The following CCT6B variants were observed in gnomAD, a reference collection of about 807,000 sequenced individuals.
CCT6B encodes chaperonin containing TCP1 subunit 6B.
In CCT6B, 49 loss-of-function variants were observed where a neutral mutation model predicts 61.5. The observed-to-expected ratio is 0.80, with a 90% CI of 0.63 to 1.01. The LOEUF (loss-of-function observed/expected upper bound fraction) is 1.01, where lower values mean the gene tolerates loss of function less well. CCT6B is among the 50% of genes least tolerant of loss of function. The pLI is 0.00. For missense variants in CCT6B, 666 were observed against 634.7 expected (o/e 1.05, Z -0.53); for synonymous variants, 228 against 214.5 (o/e 1.06, Z -0.55).
rs1424336202 is a variant in CCT6B, at chr17:34,928,932, G to GTC, written c.1523+28_1523+29dup. ...AATATTATCAATTATAACTCTACAGGTCTTTCACTTTATGTTCATATGAAC... is the reference window on the plus strand; with the variant it reads ...AATATTATCAATTATAACTCTACAGGTCTCTTTCACTTTATGTTCATATGAAC... On this transcript the variant is annotated intron_variant, in intron 13 of 13. Coordinates refer to ENST00000314144, the MANE Select transcript of CCT6B (RefSeq NM_006584.4). The GTC allele has an allele frequency of 4.2e-6, 5 of 1,194,210 alleles. No individual in the cohort carries two copies. The Admixed American group carries it at 8.9e-5, about 21-fold the overall frequency. 74.0% of individuals were successfully genotyped at this position (1,194,210 alleles called of 1,614,324 possible).
intron 4 of CCT6B, among the ~76,000 whole-genome samples, chr17:34,953,869 G>A (rs1468624959): frequency 2.0e-5 from 3 of 152,052 alleles, no homozygotes; most frequent in Admixed American, 6.5e-5. Context: ...TAGGAGAATC[G>A]TTTGAACCTG....
intron 6 of CCT6B, 25 bp downstream of exon 6, chr17:34,942,771 G>A (rs1342991405): frequency 1.0e-5 from 16 of 1,547,086 alleles, no homozygotes; most frequent in Non-Finnish European, 1.3e-5. Context: ...AAATTCAAAA[G>A]TTATAAAGAG....
Position 34,951,887 on chromosome 17 carries a change from T to C in CCT6B, c.614+63A>G, listed in dbSNP as rs118061049. On this transcript the variant is annotated intron_variant, in intron 5 of 13. Coordinates refer to ENST00000314144, the MANE Select transcript of CCT6B (RefSeq NM_006584.4). ...GTTGAATAAAAGTAAGTAATGAATT[T>C]AATAAAAGAATATCTTTAAAAAATT... The C allele has an allele frequency of 9.4e-4, 680 of 722,560 alleles. 1 individual carries two copies. The highest frequency in any genetic ancestry group is 1.4e-3 in the Non-Finnish European group (611 of 443,108). The allele number at this position is 722,560 out of a possible 1,614,324, so 44.8% of individuals were successfully genotyped here.
Position 34,930,956 on chromosome 17 carries a change from C to G in CCT6B, c.1443G>C (p.Leu481Phe), listed in dbSNP as rs368161731. Residue 481 changes from leucine (L) to phenylalanine (F), a missense_variant, in exon 12 of 14, where the codon TTG becomes TTC. Transcript: ENST00000314144. ...TTTCCTTCACTTTCTTACCTGTATT[C>G]AAATCTACGCCCACAAGTTGTTTTG... ...VESKQLVGVDLNTGEPMVAAD... is the reference protein window; with the variant it reads ...VESKQLVGVDFNTGEPMVAAD... 1.3e-6 allele frequency: 2 copies of G among 1,581,314 alleles called. No individual in the cohort carries two copies. The highest frequency in any genetic ancestry group is 1.7e-6 in the Non-Finnish European group (2 of 1,152,698).
intron 10 of CCT6B, among the ~76,000 whole-genome samples, chr17:34,938,005 T>C (rs1044506648): frequency 5.3e-5 from 8 of 151,924 alleles, no homozygotes; most frequent in Non-Finnish European, 5.9e-5. Flanking sequence ...TATTCCTGCC[T>C]CAGCCTCCTA....
At chr17:34,958,970 A>G (rs2090379582) in intron 2 of CCT6B, among the ~76,000 whole-genome samples, 1 of 152,168 alleles carries the variant, frequency 6.6e-6, no homozygotes, top group Non-Finnish European at 1.5e-5. Context: ...AAATGAATAC[A>G]TGTATTAAAC....
intron 10 of CCT6B, among the ~76,000 whole-genome samples, chr17:34,933,959 T>C (rs1012998014): frequency 1.3e-5 from 2 of 151,638 alleles, no homozygotes; most frequent in East Asian, 3.9e-4. Context: ...TGAGACCCCA[T>C]CTCTACAAAA....
rs773615733 is a variant in CCT6B, at chr17:34,928,975, G to T, written c.1510C>A (p.Leu504Ile). Residue 504 changes from leucine (L) to isoleucine (I), a missense_variant, in exon 13 of 14, where the codon CTT (leucine) becomes ATT (isoleucine). Transcript: ENST00000314144. ...ATATGAACTTACCAAGAGTGAAGAA[G>T]TTGTTTTTTTACACAATAATTATCC... ...VWDNYCVKKQLLHSCTVIATN... is the reference protein window; with the variant it reads ...VWDNYCVKKQILHSCTVIATN... 1.3e-6 allele frequency: 2 copies of T among 1,595,168 alleles called. No homozygotes were observed. Among genetic ancestry groups the T allele is most frequent in the East Asian group, 4.5e-5 (2 of 44,688 alleles).
intron 10 of CCT6B, among the ~76,000 whole-genome samples, chr17:34,937,880 T>C (rs954075849): frequency 7.2e-5 from 11 of 151,782 alleles, no homozygotes; most frequent in African/African-American, 2.4e-4. Context: ...TTTTTTCTTT[T>C]CTTTTCTTCT....
chr17:34,935,056 A>G (rs2090078670), intron 10 of CCT6B, among the ~76,000 whole-genome samples: 1 of 152,234 alleles, frequency 6.6e-6, no homozygotes, highest in African/African-American at 2.4e-5. Context: ...TACATACAAT[A>G]GAATATTATT....
At chr17:34,931,501 C>T (rs1008119085) in intron 11 of CCT6B, among the ~76,000 whole-genome samples, 3 of 152,108 alleles carry the variant, frequency 2.0e-5, no homozygotes, top group South Asian at 2.1e-4. Flanking sequence ...AGGAGAGTCA[C>T]GACCTGTGGT....
rs1465688552 is a variant in CCT6B at position 34,930,999 on chromosome 17, T to C, written c.1400A>G (p.Gln467Arg). The C allele has an allele frequency of 2.5e-6, 4 of 1,605,598 alleles. No individual in the cohort carries two copies. The highest frequency in any genetic ancestry group is 1.1e-5 in the South Asian group (1 of 90,130). The stretch of plus-strand genomic sequence containing the variant: ...TTGTTTTGACTCGACATGCTCAGCC[T>C]GAACTTTTACTAATGTTTCCTGTGG... ...YDPQETLVKV[Q>R]AEHVESKQLV... Residue 467 changes from glutamine (Q) to arginine (R), a missense_variant, in exon 12 of 14, where the codon CAG becomes CGG. Transcript: ENST00000314144.
chr17:34,960,842 C>T (rs1432806983), intron 1 of CCT6B, among the ~76,000 whole-genome samples: 3 of 152,166 alleles, frequency 2.0e-5, no homozygotes, highest in Non-Finnish European at 2.9e-5. Flanking sequence ...GATTTGACCC[C>T]ATGCCTTCCT....
At chr17:34,945,303 CAT>C (rs1269859488) in intron 5 of CCT6B, among the ~76,000 whole-genome samples, 1 of 152,180 alleles carries the variant, frequency 6.6e-6, no homozygotes, top group Non-Finnish European at 1.5e-5. Context: ...ATTCGAGACA[CAT>C]CTCTCCAAAT....
chr17:34,949,271 C>T (rs1218619450), intron 5 of CCT6B, among the ~76,000 whole-genome samples: 8 of 151,672 alleles, frequency 5.3e-5, no homozygotes, highest in Admixed American at 4.6e-4. Context: ...GCCGGACCAA[C>T]ATGGAGAAAC....
intron 11 of CCT6B, 66 bp downstream of exon 11, chr17:34,932,300 TG>T: frequency 7.0e-7 from 1 of 1,421,302 alleles, no homozygotes; most frequent in Non-Finnish European, 9.5e-7. Context: ...TCAGATAATA[TG>T]GGCAATTTGT....
chr17:34,961,130 G>A, intron 1 of CCT6B, 127 bp downstream of exon 1: 1 of 1,204,664 alleles, frequency 8.3e-7, no homozygotes, highest in South Asian at 1.6e-5. Context: ...CCCCAGAGCA[G>A]GGATGAGAAT....
chr17:34,929,896 A>G (rs2090016006), intron 12 of CCT6B, among the ~76,000 whole-genome samples: 1 of 152,170 alleles, frequency 6.6e-6, no homozygotes, highest in African/African-American at 2.4e-5. Context: ...TTAAAAGATT[A>G]CAGATGCTTC....
At chr17:34,955,818 T>C (rs1368436637) in intron 3 of CCT6B, among the ~76,000 whole-genome samples, 3 of 152,186 alleles carry the variant, frequency 2.0e-5, no homozygotes, top group Non-Finnish European at 4.4e-5. Flanking sequence ...ATTATTATTT[T>C]TCCTATTTCA....
Sources: allele counts gnomAD v4.1 joint callset (sites outside exome capture counted in the v4.1 genomes callset), GRCh38; gene constraint gnomAD v4.1.1; transcripts MANE v1.5; gene names NCBI Gene and HGNC (gene_info 2026-07-23, HGNC 2026-07-21).